Variants in MICOS10 observed in about 807,000 individuals in gnomAD.
MICOS10 encodes mitochondrial contact site and cristae organizing system subunit 10.
MICOS10 carries 5 observed loss-of-function variants against 13.4 expected under a neutral mutation model. The observed-to-expected ratio is 0.37, with a 90% CI of 0.20 to 0.78. The LOEUF is 0.78. Among genes scored for constraint, MICOS10 ranks in the 30% least tolerant of loss-of-function variants. The pLI, the probability that MICOS10 is intolerant of heterozygous loss-of-function variation, is 0.47. For synonymous variants in MICOS10, 35 were observed against 33.6 expected (o/e 1.04, Z -0.15); for missense variants, 101 against 94.6 (o/e 1.07, Z -0.28).
intron 1 of MICOS10, chr1:19,601,069 T>G: frequency 8.3e-7 from 1 of 1,206,956 alleles, no homozygotes; most frequent in Middle Eastern, 2.2e-4. Context: ...CGATGACTAT[T>G]ATAATCACTC....
intron 1 of MICOS10, chr1:19,598,135 G>C (rs529351143): frequency 6.6e-5 from 10 of 152,342 alleles, no homozygotes; most frequent in African/African-American, 2.4e-4. Context: ...AATAAAAATT[G>C]TTGAGAGTGA....
In MICOS10 at chr1:19,623,475, A is replaced by G. The variant is rs775497306; in HGVS notation, c.114A>G (p.Arg38=). The G allele has an allele frequency of 5.6e-6, 9 of 1,604,988 alleles. No homozygotes were observed. The East Asian group carries it at 2.0e-4, about 36-fold the overall frequency. ...GIVFSLTFFK[R]RMWPLAFGSG... ...GATTTTCCCTTTTTTGCTCACTAGG[A>G]AGAATGTGGCCATTAGCCTTCGGTT... The change falls in exon 3 of 4, where the codon AGA becomes AGG. Residue 38 remains arginine (R), a splice_region_variant and synonymous_variant. Transcript: ENST00000322753.
At chr1:19,597,163 G>A (rs553766391) in intron 1 of MICOS10, 54 bp downstream of exon 1, 16 of 1,549,176 alleles carry the variant, frequency 1.0e-5, no homozygotes, top group Non-Finnish European at 1.4e-5. Flanking sequence ...GCTGGCTCCA[G>A]GCTGCGCTGC....
In MICOS10 at chr1:19,628,032, AAAT is replaced by A. The variant is rs1399567536; in HGVS notation, c.*1635_*1637del. ...AAGGCAACCCATATAATTGAAAGAAAAATAATGTGCAGCCTGTTTCATCCCTTC... is the reference window on the plus strand; with the variant it reads ...AAGGCAACCCATATAATTGAAAGAAAAATGTGCAGCCTGTTTCATCCCTTC... On this transcript the variant is annotated 3_prime_UTR_variant, in exon 4 of 4. Coordinates refer to ENST00000322753, the MANE Select transcript of MICOS10 (RefSeq NM_001032363.4). 6.6e-6 allele frequency: 1 copy of A among 152,184 alleles called. No individual in the cohort carries two copies. Among genetic ancestry groups the A allele is most frequent in the Non-Finnish European group, 1.5e-5 (1 of 68,046 alleles). The allele number at this position is 152,184 out of a possible 1,614,324, so 9.4% of individuals were successfully genotyped here.
intron 1 of MICOS10, among the ~76,000 whole-genome samples, chr1:19,606,443 T>G (rs578002179): frequency 8.5e-5 from 13 of 152,332 alleles, no homozygotes; most frequent in African/African-American, 2.9e-4. Flanking sequence ...TGCTTCTTCC[T>G]TGTTACGAAA....
At chr1:19,612,365 A>T (rs2094866768) in intron 1 of MICOS10, among the ~76,000 whole-genome samples, 1 of 151,616 alleles carries the variant, frequency 6.6e-6, no homozygotes, top group South Asian at 2.1e-4. Flanking sequence ...TAGTTTTATA[A>T]TGTATGCAAG....
At chr1:19,616,551 C>T (rs755543476) in intron 1 of MICOS10, among the ~76,000 whole-genome samples, 3 of 152,146 alleles carry the variant, frequency 2.0e-5, no homozygotes, top group Non-Finnish European at 4.4e-5. Context: ...TTTTTGTTAC[C>T]ACTCCTGTAA....
chr1:19,611,886 C>T (rs999015440), intron 1 of MICOS10, among the ~76,000 whole-genome samples: 32 of 143,800 alleles, frequency 2.2e-4, no homozygotes, highest in African/African-American at 8.6e-4. Flanking sequence ...GCAGGAGAAT[C>T]GCTTGAACCT....
chr1:19,625,379 C>G, intron 3 of MICOS10: 1 of 1,288,650 alleles, frequency 7.8e-7, no homozygotes, highest in Non-Finnish European at 1.0e-6. Context: ...CGGCCCTGCA[C>G]CTGCCATTTT....
chr1:19,624,107 A>G (rs1040319526), intron 3 of MICOS10, among the ~76,000 whole-genome samples: 1 of 152,034 alleles, frequency 6.6e-6, no homozygotes, highest in African/African-American at 2.4e-5. Flanking sequence ...CAGCTTCCTG[A>G]GTAGCTGGGA....
intron 1 of MICOS10, among the ~76,000 whole-genome samples, chr1:19,620,512 C>T (rs1300677286): frequency 6.6e-6 from 1 of 152,102 alleles, no homozygotes; most frequent in Non-Finnish European, 1.5e-5. Context: ...CTTAAAAATA[C>T]AGAAATGAGG....
intron 1 of MICOS10, among the ~76,000 whole-genome samples, chr1:19,613,733 G>A (rs2094872889): frequency 6.6e-6 from 1 of 152,212 alleles, no homozygotes. Context: ...AAGAAGTTTG[G>A]AAGATGTTTA....
chr1:19,618,141 CTG>C (rs1558345680), intron 1 of MICOS10, among the ~76,000 whole-genome samples: 2 of 145,246 alleles, frequency 1.4e-5, no homozygotes, highest in Non-Finnish European at 3.0e-5. Context: ...AGGTCTCACT[CTG>C]TTGTCCAGGC....
intron 1 of MICOS10, among the ~76,000 whole-genome samples, chr1:19,601,594 AAAG>A (rs1456740795): frequency 3.3e-5 from 5 of 151,736 alleles, no homozygotes; most frequent in Non-Finnish European, 7.4e-5. Context: ...AAAAAAAAGA[AAAG>A]AAAAAGGAAA....
At chr1:19,616,399 G>A (rs1301721290) in intron 1 of MICOS10, among the ~76,000 whole-genome samples, 1 of 152,192 alleles carries the variant, frequency 6.6e-6, no homozygotes, top group Non-Finnish European at 1.5e-5. Context: ...GGGAAAAGGA[G>A]TCCATAGAAA....
intron 1 of MICOS10, among the ~76,000 whole-genome samples, chr1:19,618,724 G>T (rs1326560977): frequency 9.9e-5 from 15 of 152,148 alleles, no homozygotes; most frequent in Non-Finnish European, 4.4e-5. Context: ...AGTACATCCA[G>T]CATTTATTTA....
intron 1 of MICOS10, among the ~76,000 whole-genome samples, chr1:19,610,429 A>T (rs1203499281): frequency 1.7e-5 from 2 of 121,112 alleles, no homozygotes; most frequent in Non-Finnish European, 3.2e-5. Flanking sequence ...CCCAGGCTGG[A>T]GTACAGTGAC....
intron 1 of MICOS10, among the ~76,000 whole-genome samples, chr1:19,618,051 C>T (rs1258172420): frequency 6.6e-6 from 1 of 151,466 alleles, no homozygotes; most frequent in African/African-American, 2.4e-5. Context: ...GGCTTATCCA[C>T]AGTGTGATCC....
chr1:19,601,000 T>C (rs993700956), intron 1 of MICOS10: 4 of 1,289,294 alleles, frequency 3.1e-6, no homozygotes, highest in Admixed American at 2.3e-5. Flanking sequence ...GGTTGTCTTA[T>C]ACCTAAAGTG....
Sources: gnomAD v4.1 joint callset for allele counts (sites outside exome capture counted in the v4.1 genomes callset) on GRCh38, gnomAD v4.1.1 for gene constraint, MANE v1.5 for transcripts, NCBI Gene and HGNC (gene_info 2026-07-23, HGNC 2026-07-21) for gene names.